Variants in OSBPL8 observed in about 807,000 individuals in gnomAD.
OSBPL8 encodes the protein oxysterol binding protein like 8.
A neutral mutation model predicts 125.5 loss-of-function variants in OSBPL8; 59 were observed. The ratio of observed to expected loss-of-function variants is 0.47; its 90% CI spans 0.38 to 0.58. The LOEUF is 0.58. Among genes scored for constraint, OSBPL8 ranks in the 20% least tolerant of loss-of-function variants. OSBPL8 has a pLI of 0.00. For missense variants in OSBPL8, 758 were observed against 1,047.8 expected (o/e 0.72, Z 3.82); for synonymous variants, 330 against 338.9 (o/e 0.97, Z 0.29).
rs189658011 is a variant in OSBPL8 at position 76,503,096 on chromosome 12, G to A, written c.-67-15478C>T. On this transcript the variant is annotated intron_variant, in intron 1 of 23. Coordinates refer to ENST00000261183, the MANE Select transcript of OSBPL8 (RefSeq NM_020841.5). ...ACATTTTACGCAAGACAGTTGTACC[G>A]TTGGGTGGAAGCATGACTTTGTTAT... is the stretch of plus-strand genomic sequence containing the variant. Among the ~76,000 whole-genome samples the A allele has an allele frequency of 7.1e-4, 108 of 152,286 alleles. 1 individual carries two copies. The highest frequency in any genetic ancestry group is 9.9e-4 in the Non-Finnish European group (67 of 68,020).
At chr12:76,408,906 TGTGTTTAG>T (rs922490236) in intron 5 of OSBPL8, among the ~76,000 whole-genome samples, 29 of 152,226 alleles carry the variant, frequency 1.9e-4, no homozygotes, top group African/African-American at 7.0e-4. Flanking sequence ...TGTAGGTCTT[TGTGTTTAG>T]GTGTTTAGGC....
intron 8 of OSBPL8, among the ~76,000 whole-genome samples, chr12:76,396,821 G>A (rs568328419): frequency 6.6e-6 from 1 of 151,732 alleles, no homozygotes; most frequent in African/African-American, 2.4e-5. Context: ...ATGCTTGTTT[G>A]TTTTTTTTGA....
chr12:76,395,719 T>C (rs1350775771), intron 8 of OSBPL8, among the ~76,000 whole-genome samples: 1 of 152,106 alleles, frequency 6.6e-6, no homozygotes, highest in East Asian at 1.9e-4. Flanking sequence ...ATCCTCCTTA[T>C]AGGTATGAGA....
chr12:76,404,480 T>C (rs961396187), intron 5 of OSBPL8, among the ~76,000 whole-genome samples: 12 of 152,168 alleles, frequency 7.9e-5, no homozygotes, highest in African/African-American at 2.9e-4. Flanking sequence ...TAGGCAGATT[T>C]TTTTTCTACG....
At chr12:76,558,127 T>A (rs6539517) in intron 1 of OSBPL8, among the ~76,000 whole-genome samples, 120,126 of 151,230 alleles carry the variant, frequency 0.79, 47,928 homozygotes, top group East Asian at 0.92. Context: ...CGGTTAATAT[T>A]AAAAAAAAAT....
intron 1 of OSBPL8, among the ~76,000 whole-genome samples, chr12:76,524,134 A>T (rs994228386): frequency 6.6e-6 from 1 of 152,220 alleles, no homozygotes; most frequent in South Asian, 2.1e-4. Flanking sequence ...GAATCCTTTA[A>T]TGTTGTTAAC....
rs1480002901 is a variant in OSBPL8 at position 76,388,405 on chromosome 12, T to TGA, written c.1352+1239_1352+1240insTC. ...TAGTCCCTGATTGCCAACAGAATCT[T>TGA]GGCAACAGTGTGTAATGCCAGAAAA... is the stretch of plus-strand genomic sequence containing the variant. On this transcript the variant is annotated intron_variant, in intron 12 of 23. Coordinates refer to ENST00000261183, the MANE Select transcript of OSBPL8 (RefSeq NM_020841.5). 3.9e-5 allele frequency among the ~76,000 whole-genome samples: 6 copies of TGA among 152,324 alleles called. No individual in the cohort carries two copies. The East Asian group carries it at 1.2e-3, about 29-fold the overall frequency.
chr12:76,478,971 G>C (rs1032269095), intron 2 of OSBPL8, among the ~76,000 whole-genome samples: 2 of 152,264 alleles, frequency 1.3e-5, no homozygotes, highest in East Asian at 1.9e-4. Flanking sequence ...TGTAGTCCCA[G>C]CTGCTCGGGA....
At chr12:76,508,476 G>A (rs914523424) in intron 1 of OSBPL8, among the ~76,000 whole-genome samples, 1 of 152,142 alleles carries the variant, frequency 6.6e-6, no homozygotes, top group African/African-American at 2.4e-5. Flanking sequence ...GAACCAGAGG[G>A]ACTCCATCTT....
chr12:76,515,624 T>G (rs982060514), intron 1 of OSBPL8, among the ~76,000 whole-genome samples: 2 of 152,138 alleles, frequency 1.3e-5, no homozygotes, highest in African/African-American at 2.4e-5. Context: ...AGCTTTGCAC[T>G]CCTGGGCTGC....
At chr12:76,422,406 G>A (rs904416983) in intron 4 of OSBPL8, 1 of 391,208 alleles carries the variant, frequency 2.6e-6, no homozygotes, top group African/African-American at 2.1e-5. Flanking sequence ...TTTCACTACA[G>A]AATTGTTTTA....
At chr12:76,478,806 C>T (rs1037273794) in intron 2 of OSBPL8, among the ~76,000 whole-genome samples, 1 of 152,130 alleles carries the variant, frequency 6.6e-6, no homozygotes, top group African/African-American at 2.4e-5. Context: ...GTGTAACAGG[C>T]CGGGCACAGT....
At chr12:76,372,369 A>G (rs1952653438) in intron 18 of OSBPL8, among the ~76,000 whole-genome samples, 1 of 151,724 alleles carries the variant, frequency 6.6e-6, no homozygotes, top group South Asian at 2.1e-4. Flanking sequence ...TGCCCATCTA[A>G]TTTTTTTATT....
At chr12:76,464,757 A>G (rs1875194239) in intron 2 of OSBPL8, among the ~76,000 whole-genome samples, 2 of 152,206 alleles carry the variant, frequency 1.3e-5, no homozygotes, top group Non-Finnish European at 2.9e-5. Flanking sequence ...TCACGGCTTG[A>G]TTTAAGTCAT....
intron 21 of OSBPL8, among the ~76,000 whole-genome samples, chr12:76,359,128 T>C (rs532866724): frequency 1.3e-5 from 2 of 152,298 alleles, no homozygotes; most frequent in South Asian, 2.1e-4. Context: ...CATAAACAAA[T>C]ATGAATATAG....
intron 1 of OSBPL8, among the ~76,000 whole-genome samples, chr12:76,549,267 A>ACT (rs1950871190): frequency 1.3e-5 from 2 of 152,234 alleles, no homozygotes; most frequent in African/African-American, 4.8e-5. Flanking sequence ...AGAGCAACTG[A>ACT]GTATCTAGAC....
At chr12:76,441,590 G>T (rs1025773662) in intron 4 of OSBPL8, among the ~76,000 whole-genome samples, 2 of 151,998 alleles carry the variant, frequency 1.3e-5, no homozygotes, top group Middle Eastern at 3.2e-3. Context: ...AACATAGAAG[G>T]CTAAATCCCA....
intron 1 of OSBPL8, among the ~76,000 whole-genome samples, chr12:76,534,722 T>C (rs554566678): frequency 3.1e-4 from 47 of 152,242 alleles, no homozygotes; most frequent in East Asian, 1.7e-3. Context: ...TTTACTATTT[T>C]CGAGATGATG....
chr12:76,455,366 TTGTA>T (rs1008582357), intron 3 of OSBPL8, among the ~76,000 whole-genome samples: 10 of 152,216 alleles, frequency 6.6e-5, no homozygotes, highest in Admixed American at 6.5e-4. Flanking sequence ...ACATATTCTT[TTGTA>T]TGTATCAGAC....
Sources: gnomAD v4.1 joint callset for allele counts (sites outside exome capture counted in the v4.1 genomes callset) on GRCh38, gnomAD v4.1.1 for gene constraint, MANE v1.5 for transcripts, NCBI Gene and HGNC (gene_info 2026-07-23, HGNC 2026-07-21) for gene names.